COG4: variants seen among roughly 807,000 people sequenced by gnomAD.
COG4 encodes component of oligomeric golgi complex 4.
Under a neutral mutation model 95.1 loss-of-function variants are expected in COG4, and 65 were observed. That is an observed-to-expected ratio of 0.68 (90% confidence interval 0.56 to 0.84). COG4 has a LOEUF of 0.84. Ranked by LOEUF, COG4 falls within the 40% of genes least tolerant of loss-of-function variation. COG4 has a pLI of 0.00. For missense variants in COG4, 1,045 were observed against 989.1 expected (o/e 1.06, Z -0.76); for synonymous variants, 421 against 374.8 (o/e 1.12, Z -1.42).
In COG4 at chr16:70,481,963, GGA is replaced by G. The variant is rs2049006113; in HGVS notation, c.2005-100_2005-99del. 18 of 1,356,442 alleles carry G rather than the reference GGA, an allele frequency of 1.3e-5. No homozygotes were observed. In the Admixed American group the frequency reaches 2.7e-4, roughly 20 times the overall value. The allele number at this position is 1,356,442 out of a possible 1,614,324, so 84.0% of individuals were successfully genotyped here. ...GAGGATAGTAGCGTGAGGCCACGGG[GGA>G]GTTTCTACAGGTGAGGGTTGGAAGG... On this transcript the variant is annotated intron_variant, in intron 16 of 18. Transcript: ENST00000323786.
chr16:70,488,856 A>G (rs936193509), intron 13 of COG4, among the ~76,000 whole-genome samples: 1 of 152,038 alleles, frequency 6.6e-6, no homozygotes, highest in African/African-American at 2.4e-5. Flanking sequence ...CGGCCCAGCT[A>G]CTGTTATTTT....
At chr16:70,515,070 C>T (rs1597689094) in intron 3 of COG4, among the ~76,000 whole-genome samples, 1 of 149,604 alleles carries the variant, frequency 6.7e-6, no homozygotes, top group Non-Finnish European at 1.5e-5. Context: ...GGCTAGAGTA[C>T]AGTGGTGCAA....
intron 3 of COG4, 67 bp from the exon 4 acceptor site, chr16:70,514,576 G>A (rs2049784333): frequency 1.5e-6 from 2 of 1,361,862 alleles, no homozygotes; most frequent in Non-Finnish European, 2.1e-6. Context: ...AAGAAGGTAG[G>A]GAGATTCAGG....
chr16:70,481,410 T>C lies in COG4; in HGVS notation c.2184A>G (p.Arg728=). 1 of 1,613,258 alleles carries C rather than the reference T, an allele frequency of 6.2e-7. No homozygotes were observed. Residue 728 remains arginine, a synonymous_variant, in exon 18 of 19, where the codon CGA becomes CGG. Transcript: ENST00000323786. ...TCTGGGAGAGCCGGGCAAACTTGTC[T>C]CGGATGGTCCAGGTGGTCACCGTGG... The part of the protein sequence containing the change: ...YLTTVTTWTI[R]DKFARLSQMA...
chr16:70,499,721 G>A (rs1186727367), intron 9 of COG4, among the ~76,000 whole-genome samples: 3 of 152,004 alleles, frequency 2.0e-5, no homozygotes, highest in African/African-American at 7.2e-5. Flanking sequence ...GTGCAGTGGC[G>A]CGATCTTGGC....
chr16:70,507,601 C>G (rs2049605216), intron 8 of COG4, among the ~76,000 whole-genome samples: 1 of 152,032 alleles, frequency 6.6e-6, no homozygotes, highest in Non-Finnish European at 1.5e-5. Flanking sequence ...TGGCTCATGC[C>G]TATAATCTCA....
intron 14 of COG4, 138 bp downstream of exon 14, chr16:70,483,715 C>A: frequency 3.8e-6 from 3 of 779,516 alleles, no homozygotes; most frequent in South Asian, 2.7e-5. Context: ...GGGACCTGCA[C>A]AACTCCAGGC....
At chr16:70,508,056 G>A (rs1223707317) in intron 8 of COG4, among the ~76,000 whole-genome samples, 1 of 151,586 alleles carries the variant, frequency 6.6e-6, no homozygotes, top group East Asian at 2.0e-4. Flanking sequence ...GAGTAGCTGG[G>A]ACTACAGGCA....
intron 1 of COG4, 173 bp downstream of exon 1, chr16:70,523,200 A>C (rs1022865390): frequency 1.4e-6 from 1 of 717,074 alleles, no homozygotes. Context: ...CGCGTCCGAC[A>C]GCGTGAAAAG....
chr16:70,505,000 G>A (rs1372639748), intron 8 of COG4, among the ~76,000 whole-genome samples: 2 of 151,786 alleles, frequency 1.3e-5, no homozygotes, highest in Non-Finnish European at 2.9e-5. Flanking sequence ...TAAGTGTTCA[G>A]AATAGTGTCT....
At position 70,497,391 on chromosome 16, in the gene COG4, C is replaced by A. The variant is rs750562919; in HGVS notation, c.1315-4G>T. 2 of 1,612,564 alleles carry A rather than the reference C, an allele frequency of 1.2e-6. No homozygotes were observed. Among genetic ancestry groups the A allele is most frequent in the African/African-American group, 1.3e-5 (1 of 75,006 alleles). ...CATAGGTGTCCAGAGCCACAGCCTA[C>A]CCAAAAGGCAAAGCCAACACTGAGG... On this transcript the variant is annotated splice_polypyrimidine_tract_variant and splice_region_variant and intron_variant, in intron 10 of 18. Transcript: ENST00000323786.
chr16:70,512,098 C>T, intron 5 of COG4, 141 bp downstream of exon 5: 1 of 818,396 alleles, frequency 1.2e-6, no homozygotes. Flanking sequence ...GCATCCAGTC[C>T]TGCATGGCTA....
chr16:70,496,962 T>C (rs1219151542), intron 11 of COG4, among the ~76,000 whole-genome samples: 1 of 152,194 alleles, frequency 6.6e-6, no homozygotes, highest in African/African-American at 2.4e-5. Context: ...GTATTATTCA[T>C]CTGAACTGCC....
intron 3 of COG4, among the ~76,000 whole-genome samples, chr16:70,515,287 G>A (rs1484576735): frequency 6.6e-6 from 1 of 152,154 alleles, no homozygotes; most frequent in East Asian, 1.9e-4. Flanking sequence ...CTCCCAAAGT[G>A]CTGAGATTAC....
At chr16:70,509,410 G>C in intron 6 of COG4, 22 bp from the exon 7 acceptor site, 3 of 1,613,756 alleles carry the variant, frequency 1.9e-6, no homozygotes, top group African/African-American at 1.3e-5. Context: ...GAAGCAATAG[G>C]GTTATATTCC....
chr16:70,502,615 A>AAAT (rs1159902078), intron 8 of COG4, among the ~76,000 whole-genome samples: 9 of 152,000 alleles, frequency 5.9e-5, no homozygotes, highest in African/African-American at 2.2e-4. Context: ...AAAAAAAAAA[A>AAAT]ATTATCAGTG....
chr16:70,516,593 G>A (rs2049828143), intron 3 of COG4, among the ~76,000 whole-genome samples: 1 of 152,140 alleles, frequency 6.6e-6, no homozygotes, highest in Admixed American at 6.6e-5. Context: ...ACCGCGCCCA[G>A]CCTTGTTGAG....
intron 10 of COG4, 41 bp downstream of exon 10, chr16:70,497,896 A>G: frequency 8.5e-7 from 1 of 1,171,484 alleles, no homozygotes; most frequent in Non-Finnish European, 1.3e-6. Context: ...GGCTTCTTGG[A>G]CCGGAAGCCC....
At chr16:70,507,085 T>G (rs1466431070) in intron 8 of COG4, among the ~76,000 whole-genome samples, 1 of 151,840 alleles carries the variant, frequency 6.6e-6, no homozygotes, top group Admixed American at 6.6e-5. Flanking sequence ...AGCATGGTGG[T>G]GTACAATATG....
Sources: allele counts gnomAD v4.1 joint callset (sites outside exome capture counted in the v4.1 genomes callset), GRCh38; gene constraint gnomAD v4.1.1; transcripts MANE v1.5; gene names NCBI Gene and HGNC (gene_info 2026-07-23, HGNC 2026-07-21).